Variants in LARS1 observed in about 807,000 individuals in gnomAD.
LARS1 encodes leucine--tRNA ligase, cytoplasmic.
In LARS1, 100 loss-of-function variants were observed where a neutral mutation model predicts 162.8. The ratio of observed to expected loss-of-function variants is 0.61; its 90% CI spans 0.52 to 0.73. The LOEUF (loss-of-function observed/expected upper bound fraction) is 0.73, where lower values mean the gene tolerates loss of function less well. LARS1 is among the 30% of genes least tolerant of loss of function. The pLI, the probability that LARS1 is intolerant of heterozygous loss-of-function variation, is 0.00. For synonymous variants in LARS1, 457 were observed against 462.8 expected (o/e 0.99, Z 0.16); for missense variants, 1,258 against 1,408.9 (o/e 0.89, Z 1.71).
chr5:146,145,328 A>C (rs975164364), intron 15 of LARS1, among the ~76,000 whole-genome samples: 3 of 151,838 alleles, frequency 2.0e-5, no homozygotes, highest in Non-Finnish European at 4.4e-5. Flanking sequence ...CAAGTATTCC[A>C]CCTCAGCCTC....
In LARS1 at chr5:146,139,065, G is replaced by A. The variant is rs189778011; in HGVS notation, c.2148+1139C>T. ...GAAAAAAAAAAAAAAAAAAATGGCC[G>A]AGTGCAGTGGCTCATGCCTGTAATC... On this transcript the variant is annotated intron_variant, in intron 21 of 31. Coordinates refer to ENST00000394434, the MANE Select transcript of LARS1 (RefSeq NM_020117.11). 891 of 294,840 alleles carry A rather than the reference G, an allele frequency of 3.0e-3. 20 individuals carry two copies. The Admixed American group carries it at 0.034, about 11-fold the overall frequency. The allele number at this position is 294,840 out of a possible 1,614,324, so 18.3% of individuals were successfully genotyped here. A position where few individuals can be genotyped will look rare whatever the true frequency, so the allele number is the denominator to read the frequency against.
In LARS1 at chr5:146,132,908, C is replaced by T; in HGVS notation, c.2386G>A (p.Val796Ile). ...GGATCTACAGATTACCTGGCAAAAA[C>T]TCTATCATTGAAAGTGCTGGCAGGA... The part of the protein sequence containing the change: ...SGPASTFNDR[V>I]FASELNAGII... The change falls in exon 23 of 32, where the codon GTT becomes ATT. Residue 796 changes from valine to isoleucine, a missense_variant. Physicochemically the swap from Val to Ile is conservative, Grantham distance 29. Coordinates refer to ENST00000394434, the MANE Select transcript of LARS1 (RefSeq NM_020117.11). The T allele has an allele frequency of 6.2e-7, 1 of 1,612,374 alleles. No homozygotes were observed. The highest frequency in any genetic ancestry group is 8.5e-7 in the Non-Finnish European group (1 of 1,178,994).
chr5:146,133,274 C>T (rs901386797), intron 22 of LARS1, among the ~76,000 whole-genome samples, 193 bp from the exon 23 acceptor site: 5 of 152,162 alleles, frequency 3.3e-5, no homozygotes, highest in Admixed American at 1.3e-4. Flanking sequence ...TTAAAATATT[C>T]GAACCATCCA....
intron 20 of LARS1, among the ~76,000 whole-genome samples, chr5:146,141,641 A>C (rs1477192883): frequency 6.7e-6 from 1 of 150,114 alleles, no homozygotes; most frequent in Non-Finnish European, 1.5e-5. Context: ...TCGTCTCTAC[A>C]AAAAATAAAC....
At position 146,130,002 on chromosome 5, in the gene LARS1, A is replaced by G. The variant is rs1752208460; in HGVS notation, c.2628+16T>C. The G allele has an allele frequency of 6.3e-7, 1 of 1,590,642 alleles. No homozygotes were observed. Among genetic ancestry groups the G allele is most frequent in the Non-Finnish European group, 8.5e-7 (1 of 1,171,066 alleles). On this transcript the variant is annotated intron_variant, in intron 25 of 31. Transcript: ENST00000394434. The stretch of plus-strand genomic sequence containing the variant: ...AAATCAAAACCACTCGAAACATTTT[A>G]AATGCATGAAGGTACCTTTCCCAGG...
In LARS1 at chr5:146,133,009, G is replaced by C. The variant is rs1317746555; in HGVS notation, c.2285C>G (p.Ala762Gly). ...CCAGGTGTACAGACGGAGAATACCT[G>C]CATCTGCCATGGCTTCCACAAAGTT... is the stretch of plus-strand genomic sequence containing the variant. ...DANFVEAMAD[A>G]GILRLYTWVE... The change falls in exon 23 of 32, where the codon GCA (alanine) becomes GGA (glycine). Residue 762 changes from alanine to glycine, a missense_variant. Transcript: ENST00000394434. 6.2e-7 allele frequency: 1 copy of C among 1,613,882 alleles called. No individual in the cohort carries two copies. Among genetic ancestry groups the C allele is most frequent in the South Asian group, 1.1e-5 (1 of 91,076 alleles).
Position 146,168,105 on chromosome 5 carries a change from A to G in LARS1, c.432+23T>C, listed in dbSNP as rs757203421. On this transcript the variant is annotated intron_variant, in intron 5 of 31. Coordinates refer to ENST00000394434, the MANE Select transcript of LARS1 (RefSeq NM_020117.11). ...AGAAAAATATAAAACTTCAACCAACATAAATATCAACCACTATCAAACCTT... is the reference window on the plus strand; with the variant it reads ...AGAAAAATATAAAACTTCAACCAACGTAAATATCAACCACTATCAAACCTT... The G allele has an allele frequency of 6.3e-6, 10 of 1,576,406 alleles. No homozygotes were observed. The East Asian group carries it at 1.6e-4, about 25-fold the overall frequency.
At chr5:146,174,141 T>C (rs1341652937) in intron 2 of LARS1, among the ~76,000 whole-genome samples, 2 of 20,028 alleles carry the variant, frequency 1.0e-4, no homozygotes, top group South Asian at 3.3e-3. Context: ...TTTCTTTTTC[T>C]CTTAAAAAAA....
At chr5:146,169,609 C>T (rs1438778322) in intron 4 of LARS1, among the ~76,000 whole-genome samples, 2 of 151,308 alleles carry the variant, frequency 1.3e-5, no homozygotes, top group South Asian at 2.1e-4. Context: ...AGTGCAATGG[C>T]GCAGTTTCGG....
chr5:146,176,492 T>C (rs1053183404), intron 2 of LARS1, among the ~76,000 whole-genome samples: 4 of 148,596 alleles, frequency 2.7e-5, no homozygotes, highest in Non-Finnish European at 6.0e-5. Context: ...GAAGATTAAA[T>C]GAGAGTATAC....
At chr5:146,170,994 T>C (rs2126580002) in intron 4 of LARS1, among the ~76,000 whole-genome samples, 1 of 152,036 alleles carries the variant, frequency 6.6e-6, no homozygotes, top group South Asian at 2.1e-4. Flanking sequence ...TAACTACAGG[T>C]GAAGGGTGGA....
At chr5:146,159,893 T>C (rs1353083538) in intron 7 of LARS1, among the ~76,000 whole-genome samples, 1 of 151,956 alleles carries the variant, frequency 6.6e-6, no homozygotes, top group African/African-American at 2.4e-5. Flanking sequence ...AAAACACAAA[T>C]CAAATGATTA....
At position 146,149,633 on chromosome 5, in the gene LARS1, T is replaced by C. The variant is rs1753183415; in HGVS notation, c.1492A>G (p.Met498Val). ...AGCCTATCACATACAGCGTCAATCA[T>C]CTTTTTCTGAATAGTCTTCTTTACA... is the stretch of plus-strand genomic sequence containing the variant. ...QDVKKTIQKK[M>V]IDAGDALIYM... is the part of the protein sequence containing the mutation. Residue 498 changes from methionine (M) to valine (V), a missense_variant, in exon 15 of 32, where the codon ATG becomes GTG. Met to Val is a conservative substitution (Grantham distance 21, BLOSUM62 1). Coordinates refer to ENST00000394434, the MANE Select transcript of LARS1 (RefSeq NM_020117.11). The C allele has an allele frequency of 1.2e-6, 2 of 1,611,452 alleles. No individual in the cohort carries two copies. Among genetic ancestry groups the C allele is most frequent in the East Asian group, 2.2e-5 (1 of 44,826 alleles).
In LARS1 at chr5:146,144,284, G is replaced by A; in HGVS notation, c.1721C>T (p.Ser574Leu). The change falls in exon 18 of 32, where the codon TCA (serine) becomes TTA (leucine). Residue 574 changes from serine (S) to leucine (L), a missense_variant. Coordinates refer to ENST00000394434, the MANE Select transcript of LARS1 (RefSeq NM_020117.11). Reference protein sequence around the residue: ...TLGWLQEHACSRTYGLGTHLP... With the variant: ...TLGWLQEHACLRTYGLGTHLP... The stretch of plus-strand genomic sequence containing the variant: ...TTGTTTACCTAGACCATAAGTTCTT[G>A]AGCAAGCATGTTCTTGTAGCCAACC... 6.2e-7 allele frequency: 1 copy of A among 1,611,730 alleles called. No homozygotes were observed. The highest frequency in any genetic ancestry group is 8.5e-7 in the Non-Finnish European group (1 of 1,179,398).
chr5:146,141,415 GAAA>G (rs1752771176), intron 20 of LARS1, among the ~76,000 whole-genome samples: 1 of 152,086 alleles, frequency 6.6e-6, no homozygotes, highest in African/African-American at 2.4e-5. Context: ...TAACAAATGT[GAAA>G]AAAATTGGTG....
At chr5:146,124,526 A>G (rs939387615) in intron 28 of LARS1, among the ~76,000 whole-genome samples, 1 of 151,910 alleles carries the variant, frequency 6.6e-6, no homozygotes, top group African/African-American at 2.4e-5. Flanking sequence ...AGAATAGTGA[A>G]TTAATAATAT....
chr5:146,177,507 T>TATATATAC (rs1754648778), intron 2 of LARS1, 40 bp downstream of exon 2: 1 of 349,398 alleles, frequency 2.9e-6, no homozygotes, highest in Non-Finnish European at 5.2e-6. Flanking sequence ...TATATATATA[T>TATATATAC]AGAAATACAA....
chr5:146,164,988 T>C (rs1247159569), intron 5 of LARS1, among the ~76,000 whole-genome samples: 1 of 152,298 alleles, frequency 6.6e-6, no homozygotes, highest in African/African-American at 2.4e-5. Context: ...GATACTGTGC[T>C]GGTAGAAACA....
At chr5:146,172,555 T>TA (rs1255154805) in intron 3 of LARS1, 132 bp downstream of exon 3, 6 of 433,236 alleles carry the variant, frequency 1.4e-5, no homozygotes, top group Non-Finnish European at 2.5e-5. Context: ...TACTTAAATA[T>TA]AAAAAATTAT....
Sources: allele counts gnomAD v4.1 joint callset (sites outside exome capture counted in the v4.1 genomes callset), GRCh38; gene constraint gnomAD v4.1.1; transcripts MANE v1.5; gene names NCBI Gene and HGNC (gene_info 2026-07-23, HGNC 2026-07-21).